The following AK9 variants were observed in gnomAD, a reference collection of about 807,000 sequenced individuals.
AK9 encodes the protein adenylate kinase 9, also known as adenylate kinase domain containing 1.
Under a neutral mutation model 239.6 loss-of-function variants are expected in AK9, and 191 were observed. The observed-to-expected ratio is 0.80, with a 90% confidence interval of 0.71 to 0.90. AK9 has a LOEUF of 0.90. AK9 is among the 40% of genes least tolerant of loss of function. The probability of loss-of-function intolerance (pLI) is 0.00; values close to 1 mark genes in which losing one functional copy is unlikely to be tolerated. For synonymous variants in AK9, 689 were observed against 721.0 expected (o/e 0.96, Z 0.71); for missense variants, 1,995 against 2,214.7 (o/e 0.90, Z 1.99).
chr6:109,500,333 A>C (rs576668141), intron 35 of AK9, among the ~76,000 whole-genome samples: 31 of 152,188 alleles, frequency 2.0e-4, no homozygotes, highest in Non-Finnish European at 3.5e-4. Flanking sequence ...CTCTATGCTT[A>C]CCCAGAACAA....
At chr6:109,633,135 A>G (rs1796311967) in intron 11 of AK9, 32 bp from the exon 12 acceptor site, 1 of 1,561,250 alleles carries the variant, frequency 6.4e-7, no homozygotes, top group Admixed American at 2.2e-5. Flanking sequence ...AAACAACTGA[A>G]AAGATGTATG....
Position 109,675,699 on chromosome 6 carries a change from A to G in AK9, c.47T>C (p.Phe16Ser), listed in dbSNP as rs1257483212. The change falls in exon 2 of 41, where the codon TTT (phenylalanine) becomes TCT (serine). Residue 16 changes from phenylalanine (F) to serine (S), a missense_variant. This residue lies in a region of AK9 where 252 missense variants were observed against 246.4 expected (regional missense o/e 1.02). Coordinates refer to ENST00000424296, the MANE Select transcript of AK9 (RefSeq NM_001145128.3). ...KTEEYPFADI[F>S]DEDETERNFL... Reference sequence around the variant, plus strand: ...ATTCCTTTCAGTTTCATCTTCATCAAATATATCTGCAAAAGGATACTCTTC... The same window carrying G: ...ATTCCTTTCAGTTTCATCTTCATCAGATATATCTGCAAAAGGATACTCTTC... The G allele has an allele frequency of 1.9e-6, 3 of 1,598,688 alleles. No homozygotes were observed. The East Asian group carries it at 6.9e-5, about 37-fold the overall frequency.
chr6:109,508,530 T>C (rs1332849149), intron 33 of AK9, among the ~76,000 whole-genome samples: 1 of 152,158 alleles, frequency 6.6e-6, no homozygotes, highest in Non-Finnish European at 1.5e-5. Flanking sequence ...GACTTAATTA[T>C]GGGTCACAGA....
chr6:109,652,533 C>T (rs969167158), intron 8 of AK9, among the ~76,000 whole-genome samples: 3 of 152,140 alleles, frequency 2.0e-5, no homozygotes, highest in Admixed American at 6.5e-5. Flanking sequence ...GTCAATGTAA[C>T]ATTTTAATGG....
At chr6:109,608,668 T>C (rs890350866) in intron 17 of AK9, among the ~76,000 whole-genome samples, 1 of 152,054 alleles carries the variant, frequency 6.6e-6, no homozygotes, top group East Asian at 1.9e-4. Flanking sequence ...GGTAGGCAAA[T>C]ATTTCTGAAA....
chr6:109,528,661 G>C, intron 29 of AK9: 1 of 467,710 alleles, frequency 2.1e-6, no homozygotes, highest in Non-Finnish European at 4.3e-6. Context: ...CTGTACGGAA[G>C]TCCAGCATAT....
intron 17 of AK9, among the ~76,000 whole-genome samples, chr6:109,601,321 C>A (rs1236937896): frequency 6.6e-6 from 1 of 152,132 alleles, no homozygotes; most frequent in Non-Finnish European, 1.5e-5. Flanking sequence ...TTTCTGCTTT[C>A]ATTTCGTTAT....
intron 26 of AK9, among the ~76,000 whole-genome samples, chr6:109,543,354 A>G (rs1489614057): frequency 6.6e-6 from 1 of 152,214 alleles, no homozygotes; most frequent in Non-Finnish European, 1.5e-5. Context: ...TCAGAAAACA[A>G]TAAAAGAAAA....
chr6:109,675,458 T>C (rs188426249), intron 2 of AK9, among the ~76,000 whole-genome samples, 171 bp downstream of exon 2: 54 of 152,268 alleles, frequency 3.5e-4, no homozygotes, highest in African/African-American at 1.2e-3. Flanking sequence ...GTGCAAGAGA[T>C]AGTTATGAAT....
intron 24 of AK9, among the ~76,000 whole-genome samples, chr6:109,556,543 T>G (rs762825924): frequency 1.3e-5 from 2 of 152,152 alleles, no homozygotes; most frequent in Non-Finnish European, 2.9e-5. Context: ...TGAATTTGAA[T>G]GTTGGCTTTT....
chr6:109,508,275 G>A (rs1778323011), intron 33 of AK9, among the ~76,000 whole-genome samples: 1 of 152,174 alleles, frequency 6.6e-6, no homozygotes, highest in East Asian at 1.9e-4. Flanking sequence ...GTCCTGTGAA[G>A]AGTCACTTGA....
At chr6:109,517,740 C>T (rs759111103) in intron 29 of AK9, among the ~76,000 whole-genome samples, 22 of 152,040 alleles carry the variant, frequency 1.4e-4, no homozygotes, top group Non-Finnish European at 2.2e-4. Flanking sequence ...TCTGAGAAAA[C>T]GAGAATAATA....
intron 35 of AK9, among the ~76,000 whole-genome samples, chr6:109,503,196 G>T (rs747104888): frequency 4.9e-4 from 75 of 151,578 alleles, no homozygotes; most frequent in Non-Finnish European, 4.6e-4. Flanking sequence ...TATTATTAAG[G>T]TATATAGTAT....
intron 17 of AK9, among the ~76,000 whole-genome samples, chr6:109,595,734 A>G (rs1463788623): frequency 1.3e-5 from 2 of 152,176 alleles, no homozygotes; most frequent in Non-Finnish European, 2.9e-5. Flanking sequence ...CATCATTCTC[A>G]GCAAACTAAC....
chr6:109,539,761 T>C (rs1782591616), intron 27 of AK9, among the ~76,000 whole-genome samples: 2 of 152,328 alleles, frequency 1.3e-5, no homozygotes, highest in South Asian at 4.1e-4. Context: ...TTGATGATGG[T>C]GACGTACAGA....
chr6:109,528,657 G>T (rs768776373), intron 29 of AK9: 2 of 465,296 alleles, frequency 4.3e-6, no homozygotes, highest in Non-Finnish European at 8.6e-6. Flanking sequence ...TCCTCTGTAC[G>T]GAAGTCCAGC....
chr6:109,620,817 T>C (rs1794721089), intron 12 of AK9, among the ~76,000 whole-genome samples: 1 of 151,238 alleles, frequency 6.6e-6, no homozygotes, highest in African/African-American at 2.4e-5. Context: ...TATTCATACA[T>C]ATACATATAC....
At chr6:109,672,627 AG>A (rs1771097385) in intron 3 of AK9, among the ~76,000 whole-genome samples, 2 of 152,190 alleles carry the variant, frequency 1.3e-5, no homozygotes, top group African/African-American at 2.4e-5. Flanking sequence ...TCAAGTTTGC[AG>A]AGAGCCGTGA....
chr6:109,525,995 A>T (rs1196978135), intron 29 of AK9, among the ~76,000 whole-genome samples: 3 of 152,230 alleles, frequency 2.0e-5, no homozygotes. Flanking sequence ...AGCAACATGG[A>T]TGGAGCTGGA....
Sources: allele counts gnomAD v4.1 joint callset (sites outside exome capture counted in the v4.1 genomes callset), GRCh38; gene constraint gnomAD v4.1.1; regional missense constraint gnomAD v4.1.1; transcripts MANE v1.5; gene names NCBI Gene and HGNC (gene_info 2026-07-23, HGNC 2026-07-21).